TBX5: variants seen among roughly 807,000 people sequenced by gnomAD.
TBX5 encodes the protein T-box transcription factor 5, also known as T-box transcription factor TBX5.
A neutral mutation model predicts 51.1 loss-of-function variants in TBX5; 8 were observed. That is an observed-to-expected ratio of 0.16 (90% CI 0.09 to 0.28). TBX5 has a LOEUF of 0.28. Among genes scored for constraint, TBX5 ranks in the 10% least tolerant of loss-of-function variants. The probability of loss-of-function intolerance (pLI) is 1.00; values close to 1 mark genes in which losing one functional copy is unlikely to be tolerated. For synonymous variants in TBX5, 302 were observed against 266.4 expected (o/e 1.13, Z -1.30); for missense variants, 589 against 671.7 (o/e 0.88, Z 1.36).
chr12:114,404,109 T>C (rs949333222), intron 1 of TBX5, among the ~76,000 whole-genome samples, 173 bp from the exon 2 acceptor site: 1 of 152,246 alleles, frequency 6.6e-6, no homozygotes. Flanking sequence ...GAATTATTAC[T>C]GTTACTAGTA....
chr12:114,364,111 C>T (rs573850448), intron 8 of TBX5, among the ~76,000 whole-genome samples: 3 of 152,346 alleles, frequency 2.0e-5, no homozygotes, highest in African/African-American at 7.2e-5. Context: ...GACAGCTCTT[C>T]CCTCCTTTAA....
chr12:114,375,447 GA>G (rs1298136601), intron 7 of TBX5, among the ~76,000 whole-genome samples: 3 of 151,958 alleles, frequency 2.0e-5, no homozygotes, highest in Non-Finnish European at 2.9e-5. Context: ...CAATAGTGGT[GA>G]AAAAAATCCC....
In TBX5 at chr12:114,397,511, G is replaced by A. The variant is rs1345660588; in HGVS notation, c.510+1062C>T. Among the ~76,000 whole-genome samples the A allele has an allele frequency of 3.3e-5, 5 of 152,334 alleles. No homozygotes were observed. The East Asian group carries it at 5.8e-4, about 18-fold the overall frequency. On this transcript the variant is annotated intron_variant, in intron 5 of 8. Transcript: ENST00000405440. ...GTTCTAGTAATTAATTATCTTCTACGATGAGATTTGGGGACATTTTTTCAA... is the reference window on the plus strand; with the variant it reads ...GTTCTAGTAATTAATTATCTTCTACAATGAGATTTGGGGACATTTTTTCAA...
At chr12:114,363,487 C>A (rs1180725314) in intron 8 of TBX5, among the ~76,000 whole-genome samples, 1 of 152,194 alleles carries the variant, frequency 6.6e-6, no homozygotes, top group Non-Finnish European at 1.5e-5. Context: ...CTTCTTCCTG[C>A]CTGTCTTTTG....
chr12:114,398,448 G>T, intron 5 of TBX5, 125 bp downstream of exon 5: 1 of 1,384,490 alleles, frequency 7.2e-7, no homozygotes, highest in Non-Finnish European at 1.0e-6. Context: ...GAAAGTGGGG[G>T]AAAATGGAGG....
intron 7 of TBX5, among the ~76,000 whole-genome samples, chr12:114,383,903 G>T (rs1449086643): frequency 2.6e-5 from 4 of 152,166 alleles, no homozygotes; most frequent in Non-Finnish European, 4.4e-5. Context: ...TTTGCCTGTA[G>T]GACTGAGAGG....
intron 6 of TBX5, among the ~76,000 whole-genome samples, chr12:114,392,506 C>A (rs1196397019): frequency 6.6e-6 from 1 of 152,144 alleles, no homozygotes; most frequent in Non-Finnish European, 1.5e-5. Context: ...AACATAACTA[C>A]ACAGAATTTA....
chr12:114,370,897 C>T (rs1464818318), intron 7 of TBX5, among the ~76,000 whole-genome samples: 1 of 152,020 alleles, frequency 6.6e-6, no homozygotes, highest in African/African-American at 2.4e-5. Flanking sequence ...GCAGTGTACA[C>T]TGTACCCAAT....
chr12:114,355,429 C>G lies in TBX5; in HGVS notation c.*103G>C, dbSNP rs543786091. On this transcript the variant is annotated 3_prime_UTR_variant, in exon 9 of 9. Transcript: ENST00000405440. Reference sequence around the variant, plus strand: ...GTGAACATTGGGTGAAATGAAAAATCTTGTCCGTGGGGTTCTCTTGGCTAC... The same window carrying G: ...GTGAACATTGGGTGAAATGAAAAATGTTGTCCGTGGGGTTCTCTTGGCTAC... 30 of 1,434,954 alleles carry G rather than the reference C, an allele frequency of 2.1e-5. No homozygotes were observed. The highest frequency in any genetic ancestry group is 7.3e-5 in the East Asian group (3 of 41,144). 88.9% of individuals were successfully genotyped at this position (1,434,954 alleles called of 1,614,324 possible).
chr12:114,371,191 A>C (rs1003652184), intron 7 of TBX5, among the ~76,000 whole-genome samples: 2 of 152,190 alleles, frequency 1.3e-5, no homozygotes, highest in African/African-American at 4.8e-5. Flanking sequence ...AGTTTGCAAC[A>C]GTCAAATCTC....
chr12:114,367,675 TG>T, intron 7 of TBX5, among the ~76,000 whole-genome samples: 1 of 82,928 alleles, frequency 1.2e-5, no homozygotes, highest in East Asian at 3.3e-4. Flanking sequence ...AAGGTGGGGG[TG>T]GGGGTGCTTC....
chr12:114,362,243 T>C (rs1299129376), intron 8 of TBX5, among the ~76,000 whole-genome samples: 1 of 152,168 alleles, frequency 6.6e-6, no homozygotes, highest in Non-Finnish European at 1.5e-5. Context: ...CAGTGACTGC[T>C]TCCAAATAAA....
intron 5 of TBX5, among the ~76,000 whole-genome samples, chr12:114,397,125 G>A (rs1000094300): frequency 2.6e-5 from 4 of 152,088 alleles, no homozygotes; most frequent in African/African-American, 9.7e-5. Flanking sequence ...TTCTCGTTTG[G>A]ACCTTCATAA....
At chr12:114,387,145 A>C (rs1870863719) in intron 6 of TBX5, among the ~76,000 whole-genome samples, 1 of 151,954 alleles carries the variant, frequency 6.6e-6, no homozygotes, top group South Asian at 2.1e-4. Flanking sequence ...CAAACAAAAA[A>C]CACTTTCTCT....
intron 3 of TBX5, among the ~76,000 whole-genome samples, chr12:114,401,188 G>A (rs1233913412): frequency 1.3e-5 from 2 of 152,208 alleles, no homozygotes; most frequent in Admixed American, 6.5e-5. Flanking sequence ...GAGCTTTTAA[G>A]GGGAACTCCG....
intron 3 of TBX5, among the ~76,000 whole-genome samples, 173 bp downstream of exon 3, chr12:114,401,653 T>C (rs1219272423): frequency 2.6e-5 from 4 of 152,176 alleles, no homozygotes; most frequent in African/African-American, 4.8e-5. Flanking sequence ...TGTGCCTCTT[T>C]AACCAGGATC....
At chr12:114,368,136 C>T (rs920549665) in intron 7 of TBX5, among the ~76,000 whole-genome samples, 6 of 152,128 alleles carry the variant, frequency 3.9e-5, no homozygotes, top group African/African-American at 1.4e-4. Flanking sequence ...TATAAGTGAT[C>T]ATATCTGTGA....
chr12:114,384,776 G>A (rs937270665), intron 7 of TBX5, among the ~76,000 whole-genome samples: 1 of 147,606 alleles, frequency 6.8e-6, no homozygotes, highest in African/African-American at 2.5e-5. Flanking sequence ...TTGGTCAGAG[G>A]GATCAAGATG....
chr12:114,377,539 G>T (rs73201496), intron 7 of TBX5, among the ~76,000 whole-genome samples: 17,143 of 151,344 alleles, frequency 0.11, 1,051 homozygotes, highest in Middle Eastern at 0.15. Flanking sequence ...TATAGACACA[G>T]GCTATCATGT....
Sources: allele counts gnomAD v4.1 joint callset (sites outside exome capture counted in the v4.1 genomes callset), GRCh38; gene constraint gnomAD v4.1.1; transcripts MANE v1.5; gene names NCBI Gene and HGNC (gene_info 2026-07-23, HGNC 2026-07-21).